DLGAP4: variants seen among roughly 807,000 people sequenced by gnomAD.
The protein encoded by DLGAP4 is DLG associated protein 4.
Under a neutral mutation model 86.9 loss-of-function variants are expected in DLGAP4, and 18 were observed. The ratio of observed to expected loss-of-function variants is 0.21; its 90% confidence interval spans 0.14 to 0.31. The LOEUF (loss-of-function observed/expected upper bound fraction) is 0.31. DLGAP4 is among the 10% of genes least tolerant of loss of function. DLGAP4 has a pLI of 1.00. For missense variants in DLGAP4, 1,085 were observed against 1,362.6 expected, an observed-to-expected ratio of 0.80 and a Z score of 3.21; for synonymous variants, 548 against 574.3, an observed-to-expected ratio of 0.95 and a Z score of 0.65.
At chr20:36,340,333 A>G (rs1600413289) in intron 1 of DLGAP4, among the ~76,000 whole-genome samples, 1 of 152,164 alleles carries the variant, frequency 6.6e-6, no homozygotes, top group East Asian at 1.9e-4. Context: ...TGCCGCACCC[A>G]CACTGCAGGC....
chr20:36,411,213 C>T (rs141815266), intron 2 of DLGAP4, among the ~76,000 whole-genome samples: 2,087 of 152,306 alleles, frequency 0.014, 18 homozygotes, highest in Non-Finnish European at 0.022. Flanking sequence ...TGGTCTCAAA[C>T]TCGTGACCTC....
chr20:36,495,596 G>A (rs1269825724), intron 7 of DLGAP4, among the ~76,000 whole-genome samples: 1 of 152,220 alleles, frequency 6.6e-6, no homozygotes, highest in African/African-American at 2.4e-5. Context: ...GCAAGCAGTG[G>A]GCCTTTGGTG....
chr20:36,321,509 A>T (rs138497977), intron 1 of DLGAP4, among the ~76,000 whole-genome samples: 2 of 152,326 alleles, frequency 1.3e-5, no homozygotes, highest in East Asian at 3.9e-4. Context: ...TCCACCTCGG[A>T]TGTGCTCTGC....
At chr20:36,391,343 C>G (rs542241227) in intron 2 of DLGAP4, among the ~76,000 whole-genome samples, 2 of 152,172 alleles carry the variant, frequency 1.3e-5, no homozygotes, top group Admixed American at 1.3e-4. Context: ...CCAGGCCATG[C>G]GATCTGTGGT....
chr20:36,380,725 C>G (rs1263331948), intron 2 of DLGAP4, among the ~76,000 whole-genome samples: 1 of 151,902 alleles, frequency 6.6e-6, no homozygotes, highest in Non-Finnish European at 1.5e-5. Context: ...ACATCAAGGG[C>G]CCAGGCCTCT....
At chr20:36,414,525 C>T (rs904051274) in intron 2 of DLGAP4, among the ~76,000 whole-genome samples, 2 of 152,256 alleles carry the variant, frequency 1.3e-5, no homozygotes, top group Non-Finnish European at 2.9e-5. Flanking sequence ...ATTCTCCAGC[C>T]TGAGTGTGCA....
intron 7 of DLGAP4, among the ~76,000 whole-genome samples, chr20:36,486,772 G>A (rs1401433311): frequency 5.9e-5 from 9 of 152,126 alleles, no homozygotes; most frequent in East Asian, 3.9e-4. Context: ...CACCACACCC[G>A]GCCAATTTTT....
At chr20:36,477,750 TC>T (rs1158101006) in intron 7 of DLGAP4, among the ~76,000 whole-genome samples, 1 of 152,254 alleles carries the variant, frequency 6.6e-6, no homozygotes, top group Non-Finnish European at 1.5e-5. Context: ...ATGATGGACT[TC>T]CTTTGCAGTT....
At chr20:36,476,120 A>G (rs1330298432) in intron 7 of DLGAP4, among the ~76,000 whole-genome samples, 1 of 151,766 alleles carries the variant, frequency 6.6e-6, no homozygotes, top group Non-Finnish European at 1.5e-5. Flanking sequence ...TGGCCTCCCA[A>G]AGTGCTGGGA....
intron 12 of DLGAP4, 62 bp downstream of exon 12, chr20:36,526,068 G>A: frequency 1.2e-6 from 2 of 1,610,394 alleles, no homozygotes; most frequent in Non-Finnish European, 1.7e-6. Flanking sequence ...CAATAACGCT[G>A]CCCACATCGG....
intron 2 of DLGAP4, among the ~76,000 whole-genome samples, chr20:36,427,858 G>A (rs1329636560): frequency 6.6e-6 from 1 of 151,912 alleles, no homozygotes; most frequent in Non-Finnish European, 1.5e-5. Flanking sequence ...CACGAGAATC[G>A]CTGGAACCCA....
At chr20:36,392,609 C>T (rs2031820744) in intron 2 of DLGAP4, among the ~76,000 whole-genome samples, 2 of 152,170 alleles carry the variant, frequency 1.3e-5, no homozygotes, top group South Asian at 4.1e-4. Context: ...ACTTCGTCAT[C>T]CACCCGCCTC....
intron 7 of DLGAP4, among the ~76,000 whole-genome samples, chr20:36,489,257 T>C (rs1470084324): frequency 1.3e-5 from 2 of 152,104 alleles, no homozygotes. Flanking sequence ...AGTAGGTGAT[T>C]TTGCACATAT....
At chr20:36,457,249 C>T (rs2033900438) in intron 7 of DLGAP4, among the ~76,000 whole-genome samples, 1 of 151,768 alleles carries the variant, frequency 6.6e-6, no homozygotes, top group African/African-American at 2.4e-5. Flanking sequence ...GACGGAGTCT[C>T]ACTCTGTTAC....
At chr20:36,310,254 T>A (rs1397936715) in intron 1 of DLGAP4, among the ~76,000 whole-genome samples, 3 of 149,966 alleles carry the variant, frequency 2.0e-5, no homozygotes, top group African/African-American at 4.9e-5. Flanking sequence ...AGAAAAGAAT[T>A]GCATGGATAA....
intron 7 of DLGAP4, among the ~76,000 whole-genome samples, chr20:36,496,142 G>C (rs1164445110): frequency 6.6e-6 from 1 of 152,126 alleles, no homozygotes; most frequent in African/African-American, 2.4e-5. Flanking sequence ...AAAATGCTGG[G>C]ACTACAGGCG....
chr20:36,455,351 C>T (rs1223374683), intron 7 of DLGAP4, among the ~76,000 whole-genome samples: 1 of 152,176 alleles, frequency 6.6e-6, no homozygotes, highest in Non-Finnish European at 1.5e-5. Context: ...CTCCCACTCC[C>T]TCTGAATCAC....
rs1489149364 is a variant in DLGAP4 at position 36,465,113 on chromosome 20, C to G, written c.1648+18176C>G. Among the ~76,000 whole-genome samples, 6 of 152,186 alleles carry G rather than the reference C, an allele frequency of 3.9e-5. No individual in the cohort carries two copies. The East Asian group carries it at 7.7e-4, about 20-fold the overall frequency. ...GTGAACTTTCCCTTCCCAAAAACAT[C>G]TGGGTGACTTTTCTCTTTGTAGGAA... On this transcript the variant is annotated intron_variant, in intron 7 of 12. Transcript: ENST00000339266.
chr20:36,491,030 T>TAAA (rs757935259), intron 7 of DLGAP4, among the ~76,000 whole-genome samples: 1 of 101,424 alleles, frequency 9.9e-6, no homozygotes, highest in East Asian at 3.0e-4. Context: ...CCATCTCTAC[T>TAAA]AAAAAAAAAA....
Sources: gnomAD v4.1 joint callset for allele counts (sites outside exome capture counted in the v4.1 genomes callset) on GRCh38, gnomAD v4.1.1 for gene constraint, MANE v1.5 for transcripts, NCBI Gene and HGNC (gene_info 2026-07-23, HGNC 2026-07-21) for gene names.